The following PCDHA1 variants were observed in gnomAD, a reference collection of about 807,000 sequenced individuals.
PCDHA1 encodes protocadherin alpha 1, also known as protocadherin alpha-1.
Under a neutral mutation model 61.3 loss-of-function variants are expected in PCDHA1, and 42 were observed. That is an observed-to-expected ratio of 0.69 (90% CI 0.54 to 0.89). The LOEUF (loss-of-function observed/expected upper bound fraction) is 0.89. PCDHA1 is among the 40% of genes least tolerant of loss of function. The pLI is 0.00. For missense variants in PCDHA1, 1,256 were observed against 1,235.3 expected (o/e 1.02, Z -0.25); for synonymous variants, 610 against 553.8 (o/e 1.10, Z -1.43).
intron 1 of PCDHA1, chr5:140,967,929 G>C (rs1554230126): frequency 6.2e-7 from 1 of 1,614,214 alleles, no homozygotes; most frequent in Non-Finnish European, 8.5e-7. Flanking sequence ...GCCGTTCTCA[G>C]TGTCAATGAC....
In PCDHA1 at chr5:140,839,940, AAGG is replaced by A. The variant is rs1354823324; in HGVS notation, c.2394+51259_2394+51261del. ...AACCTTGAACAAAGAGTGTGCCAAG[AAGG>A]AGACAACATATTTTCTGTAAAATAT... is the stretch of plus-strand genomic sequence containing the variant. On this transcript the variant is annotated intron_variant, in intron 1 of 3. Coordinates refer to ENST00000504120, the MANE Select transcript of PCDHA1 (RefSeq NM_018900.4). Among the ~76,000 whole-genome samples the A allele has an allele frequency of 2.0e-5, 3 of 152,174 alleles. No homozygotes were observed. In the East Asian group the frequency reaches 5.8e-4, roughly 29 times the overall value.
At chr5:140,817,415 G>T (rs2150098120) in intron 1 of PCDHA1, 1 of 152,208 alleles carries the variant, frequency 6.6e-6, no homozygotes, top group East Asian at 1.9e-4. Context: ...TGTTGAGTTG[G>T]TATACCTGTG....
At chr5:140,902,331 C>A (rs1271812504) in intron 1 of PCDHA1, among the ~76,000 whole-genome samples, 1 of 151,712 alleles carries the variant, frequency 6.6e-6, no homozygotes, top group African/African-American at 2.4e-5. Flanking sequence ...ACTCACTTCG[C>A]CTGGCCTAGG....
chr5:140,787,228 C>T lies in PCDHA1; in HGVS notation c.938C>T (p.Thr313Ile). 2 of 1,614,128 alleles carry T rather than the reference C, an allele frequency of 1.2e-6. No individual in the cohort carries two copies. Among genetic ancestry groups the T allele is most frequent in the South Asian group, 2.2e-5 (2 of 91,084 alleles). ...RLIDKLDYEE[T>I]KSYEIQVKAV... ...ATTGATAAACTGGATTATGAAGAAA[C>T]AAAATCCTACGAAATTCAAGTAAAG... Residue 313 changes from threonine (T) to isoleucine (I), a missense_variant, in exon 1 of 4, where the codon ACA becomes ATA. Physicochemically the swap from Thr to Ile is moderately conservative, Grantham distance 89. Coordinates refer to ENST00000504120, the MANE Select transcript of PCDHA1 (RefSeq NM_018900.4).
chr5:140,875,917 G>A, intron 1 of PCDHA1: 1 of 1,614,146 alleles, frequency 6.2e-7, no homozygotes, highest in Non-Finnish European at 8.5e-7. Flanking sequence ...TGCGCCTCTG[G>A]ACTCTCATTT....
chr5:140,971,771 T>C (rs1433692038), intron 1 of PCDHA1, among the ~76,000 whole-genome samples: 1 of 152,192 alleles, frequency 6.6e-6, no homozygotes, highest in Non-Finnish European at 1.5e-5. Context: ...TCTTGAATAT[T>C]ATTCAAGATT....
chr5:141,005,417 T>G (rs1323051159), intron 3 of PCDHA1, among the ~76,000 whole-genome samples: 2 of 152,062 alleles, frequency 1.3e-5, no homozygotes, highest in African/African-American at 4.8e-5. Context: ...TGAGGAGTCA[T>G]GCTAAGAATG....
intron 1 of PCDHA1, among the ~76,000 whole-genome samples, chr5:140,837,921 C>T (rs1775313759): frequency 6.6e-6 from 1 of 151,734 alleles, no homozygotes; most frequent in Admixed American, 6.6e-5. Flanking sequence ...TCAAGCGATC[C>T]TCCTACCTTG....
intron 1 of PCDHA1, chr5:140,871,020 A>C (rs1554164982): frequency 6.2e-7 from 1 of 1,613,302 alleles, no homozygotes; most frequent in East Asian, 2.2e-5. Context: ...TGGACGAGGC[A>C]GACTCGCCGC....
At chr5:140,948,861 A>G (rs1298940496) in intron 1 of PCDHA1, among the ~76,000 whole-genome samples, 1 of 151,528 alleles carries the variant, frequency 6.6e-6, no homozygotes, top group African/African-American at 2.4e-5. Flanking sequence ...TTCTTATATT[A>G]CTTCGGGTTT....
At chr5:140,828,000 C>A (rs1769482797) in intron 1 of PCDHA1, 30 of 1,490,872 alleles carry the variant, frequency 2.0e-5, no homozygotes, top group Non-Finnish European at 2.6e-5. Flanking sequence ...ATGGCGGACG[C>A]AGAAGAAATG....
chr5:140,889,329 T>C (rs1554183865), intron 1 of PCDHA1, among the ~76,000 whole-genome samples: 2 of 152,090 alleles, frequency 1.3e-5, no homozygotes, highest in Admixed American at 6.5e-5. Context: ...GTATCAGGAT[T>C]TTGATTGGTG....
intron 1 of PCDHA1, among the ~76,000 whole-genome samples, chr5:140,923,593 A>G (rs2081438423): frequency 6.6e-6 from 1 of 152,246 alleles, no homozygotes. Flanking sequence ...TTGTTAATTC[A>G]TAATTTTAAT....
intron 1 of PCDHA1, chr5:140,809,061 G>A (rs1554124972): frequency 2.5e-6 from 4 of 1,613,810 alleles, no homozygotes; most frequent in Non-Finnish European, 1.7e-6. Flanking sequence ...TTCCGCGTGG[G>A]GCTGTACACT....
chr5:140,807,240 T>A, intron 1 of PCDHA1: 1 of 1,614,082 alleles, frequency 6.2e-7, no homozygotes, highest in Non-Finnish European at 8.5e-7. Context: ...CTGCTCTTAC[T>A]TCTTCTCCTC....
At position 140,790,333 on chromosome 5, in the gene PCDHA1, T is replaced by C. The variant is rs910361613; in HGVS notation, c.2394+1649T>C. 2.6e-5 allele frequency among the ~76,000 whole-genome samples: 4 copies of C among 152,110 alleles called. No individual in the cohort carries two copies. The East Asian group carries it at 7.7e-4, about 29-fold the overall frequency. ...TTCCTATGTTTGCTTCTGAAGTTAC[T>C]TAAATATTAAATGAATATATTTTTG... On this transcript the variant is annotated intron_variant, in intron 1 of 3. Transcript: ENST00000504120.
chr5:140,824,376 A>G, intron 1 of PCDHA1: 2 of 567,188 alleles, frequency 3.5e-6, no homozygotes, highest in Non-Finnish European at 6.1e-6. Context: ...TGAATTTTGC[A>G]TCTCTAAAAA....
At chr5:140,881,791 T>C (rs1487248430) in intron 1 of PCDHA1, among the ~76,000 whole-genome samples, 9 of 152,204 alleles carry the variant, frequency 5.9e-5, no homozygotes, top group Admixed American at 5.9e-4. Context: ...CGATCAATTG[T>C]CCCAAAACGA....
At chr5:140,860,385 A>T (rs2046366779) in intron 1 of PCDHA1, 1 of 152,142 alleles carries the variant, frequency 6.6e-6, no homozygotes, top group African/African-American at 2.4e-5. Flanking sequence ...TATTTCAAAA[A>T]TTGAAAAAAG....
Sources: gnomAD v4.1 joint callset for allele counts (sites outside exome capture counted in the v4.1 genomes callset) on GRCh38, gnomAD v4.1.1 for gene constraint, MANE v1.5 for transcripts, NCBI Gene and HGNC (gene_info 2026-07-23, HGNC 2026-07-21) for gene names.